The following BAG4 variants were observed in gnomAD, a reference collection of about 807,000 sequenced individuals.
BAG4 encodes BAG cochaperone 4.
In BAG4, 28 loss-of-function variants were observed where a neutral mutation model predicts 52.1. The ratio of observed to expected loss-of-function variants is 0.54; its 90% CI spans 0.40 to 0.74. The LOEUF (loss-of-function observed/expected upper bound fraction) is 0.74. Among genes scored for constraint, BAG4 ranks in the 30% least tolerant of loss-of-function variants. The pLI, the probability that BAG4 is intolerant of heterozygous loss-of-function variation, is 0.00. For synonymous variants in BAG4, 208 were observed against 217.0 expected, an observed-to-expected ratio of 0.96 and a Z score of 0.37; for missense variants, 525 against 572.0, an observed-to-expected ratio of 0.92 and a Z score of 0.84.
Position 38,194,524 on chromosome 8 carries a change from C to T in BAG4, c.378+1729C>T, listed in dbSNP as rs192062178. On this transcript the variant is annotated intron_variant, in intron 2 of 4. Coordinates refer to ENST00000287322, the MANE Select transcript of BAG4 (RefSeq NM_004874.4). ...CTCCGCCTCTCAGGTTCAAATGATT[C>T]TCCGCCTCAGCCTCCCGAGTAGCTG... 2.7e-5 allele frequency among the ~76,000 whole-genome samples: 4 copies of T among 145,684 alleles called. No individual in the cohort carries two copies. The Admixed American group carries it at 2.9e-4, about 10-fold the overall frequency.
chr8:38,210,478 A>T lies in BAG4; in HGVS notation c.1359A>T (p.Glu453Asp). The change falls in exon 5 of 5, where the codon GAA becomes GAT. Residue 453 changes from glutamate (E) to aspartate (D), a missense_variant. Physicochemically the swap from Glu to Asp is conservative, Grantham distance 45. This residue lies in a region of BAG4 where 238 missense variants were observed against 305.8 expected (regional missense o/e 0.78). Coordinates refer to ENST00000287322, the MANE Select transcript of BAG4 (RefSeq NM_004874.4). Reference sequence around the variant, plus strand: ...TTCAGGCCATACTGGAAAAATTAGAAAAAAAAGGATTATGAAAGGATTTAG... The same window carrying T: ...TTCAGGCCATACTGGAAAAATTAGATAAAAAAGGATTATGAAAGGATTTAG... The part of the protein sequence containing the change: ...CKIQAILEKL[E>D]KKGL The T allele has an allele frequency of 6.4e-7, 1 of 1,572,952 alleles. No individual in the cohort carries two copies. Among genetic ancestry groups the T allele is most frequent in the Non-Finnish European group, 8.6e-7 (1 of 1,167,248 alleles).
At position 38,209,329 on chromosome 8, in the gene BAG4, A is replaced by G. The variant is rs778075384; in HGVS notation, c.888+62A>G. 2.5e-6 allele frequency: 4 copies of G among 1,601,404 alleles called. No individual in the cohort carries two copies. The Admixed American group carries it at 5.1e-5, about 20-fold the overall frequency. Reference sequence around the variant, plus strand: ...TAATTAGGAGAACATAACATGGTTTATATAGTTTCTGTACTGGTTTGTGTT... The same window carrying G: ...TAATTAGGAGAACATAACATGGTTTGTATAGTTTCTGTACTGGTTTGTGTT... On this transcript the variant is annotated intron_variant, in intron 4 of 4. Coordinates refer to ENST00000287322, the MANE Select transcript of BAG4 (RefSeq NM_004874.4).
chr8:38,208,285 T>A (rs1012694162), intron 3 of BAG4, among the ~76,000 whole-genome samples: 11 of 149,050 alleles, frequency 7.4e-5, no homozygotes, highest in Admixed American at 6.1e-4. Context: ...AATCTTAGCC[T>A]TTTTTAGCAC....
At chr8:38,204,554 GGCTGA>G (rs1361338828) in intron 2 of BAG4, among the ~76,000 whole-genome samples, 1 of 151,962 alleles carries the variant, frequency 6.6e-6, no homozygotes, top group African/African-American at 2.4e-5. Context: ...CACTTTGGGA[GGCTGA>G]GGTGCCAGGA....
chr8:38,186,459 C>G (rs191226582), intron 1 of BAG4, among the ~76,000 whole-genome samples: 2 of 152,198 alleles, frequency 1.3e-5, no homozygotes, highest in Admixed American at 1.3e-4. Flanking sequence ...TGGAGAAGCT[C>G]AGGAGTGTGG....
At chr8:38,208,307 C>CTTTT (rs769667054) in intron 3 of BAG4, among the ~76,000 whole-genome samples, 15 of 107,418 alleles carry the variant, frequency 1.4e-4, no homozygotes, top group East Asian at 2.7e-4. Context: ...CTGTTAGGTT[C>CTTTT]TTTTTTTTTT....
At chr8:38,207,467 C>T (rs372892338) in intron 2 of BAG4, 45 bp from the exon 3 acceptor site, 23 of 1,586,006 alleles carry the variant, frequency 1.5e-5, no homozygotes, top group Non-Finnish European at 1.9e-5. Flanking sequence ...CATTTCAGCT[C>T]TTCTACTAAT....
intron 2 of BAG4, among the ~76,000 whole-genome samples, chr8:38,193,799 C>T (rs561178417): frequency 5.4e-4 from 80 of 149,014 alleles, no homozygotes; most frequent in African/African-American, 1.9e-3. Context: ...AGTGCAGTGG[C>T]ATGATCTTGG....
intron 1 of BAG4, among the ~76,000 whole-genome samples, chr8:38,181,002 C>T (rs2130660064): frequency 6.6e-6 from 1 of 150,670 alleles, no homozygotes; most frequent in South Asian, 2.1e-4. Flanking sequence ...GTGCGGTGGC[C>T]TGATCTCGGC....
intron 2 of BAG4, among the ~76,000 whole-genome samples, chr8:38,193,685 C>A (rs1228052140): frequency 6.6e-6 from 1 of 151,650 alleles, no homozygotes; most frequent in African/African-American, 2.4e-5. Flanking sequence ...CCTGCCTCAG[C>A]CTCCTGAGTA....
rs1585666460 is a variant in BAG4 at position 38,206,085 on chromosome 8, C to T, written c.379-1427C>T. ...GCGGGTGGATATGAGGTCAGGAGTT[C>T]GAGACCAGCCTGGCCAAGATGGTGA... On this transcript the variant is annotated intron_variant, in intron 2 of 4. Transcript: ENST00000287322. 2.7e-5 allele frequency among the ~76,000 whole-genome samples: 4 copies of T among 149,380 alleles called. No homozygotes were observed. In the South Asian group the frequency reaches 8.5e-4, roughly 32 times the overall value.
At chr8:38,205,429 TAGGAC>T (rs1803755104) in intron 2 of BAG4, among the ~76,000 whole-genome samples, 1 of 152,130 alleles carries the variant, frequency 6.6e-6, no homozygotes, top group Admixed American at 6.6e-5. Flanking sequence ...TCCATTGTTA[TAGGAC>T]ATTTAGGTAG....
rs1451749439 is a variant in BAG4, at chr8:38,212,162, C to A, written c.*1669C>A. On this transcript the variant is annotated 3_prime_UTR_variant, in exon 5 of 5. Coordinates refer to ENST00000287322, the MANE Select transcript of BAG4 (RefSeq NM_004874.4). ...ATAGGAATGTTTAAAAAAGGCTTTT[C>A]TATGAAAATTAGAAATTTATACTTG... The A allele has an allele frequency of 6.6e-6, 1 of 152,016 alleles. No homozygotes were observed. The highest frequency in any genetic ancestry group is 2.4e-5 in the African/African-American group (1 of 41,410). 9.4% of individuals were successfully genotyped at this position (152,016 alleles called of 1,614,324 possible). A position where few individuals can be genotyped will look rare whatever the true frequency, so the allele number is the denominator to read the frequency against.
chr8:38,189,494 T>C (rs145535671), intron 1 of BAG4, among the ~76,000 whole-genome samples: 2 of 152,298 alleles, frequency 1.3e-5, no homozygotes, highest in African/African-American at 4.8e-5. Context: ...TAATTGACTT[T>C]TCCTATACTG....
intron 2 of BAG4, among the ~76,000 whole-genome samples, chr8:38,197,012 G>A (rs1202032683): frequency 3.9e-5 from 6 of 152,126 alleles, no homozygotes; most frequent in Admixed American, 3.9e-4. Context: ...AGGAGGCAGA[G>A]GTTACAGTGA....
intron 1 of BAG4, among the ~76,000 whole-genome samples, chr8:38,183,306 C>T (rs908867878): frequency 2.0e-5 from 3 of 152,098 alleles, no homozygotes; most frequent in African/African-American, 7.2e-5. Flanking sequence ...CTCAGCCTCC[C>T]ACAGTTCTGG....
chr8:38,187,307 GTAAC>G (rs1803379394), intron 1 of BAG4, among the ~76,000 whole-genome samples: 1 of 152,132 alleles, frequency 6.6e-6, no homozygotes, highest in Admixed American at 6.6e-5. Context: ...GAAAAGTACA[GTAAC>G]TAAAATGAAA....
Position 38,210,698 on chromosome 8 carries a change from A to G in BAG4, c.*205A>G. On this transcript the variant is annotated 3_prime_UTR_variant, in exon 5 of 5. Coordinates refer to ENST00000287322, the MANE Select transcript of BAG4 (RefSeq NM_004874.4). ...TTTCAGTTTTCAGACGAATGAATGT[A>G]ATAGGAAACTATGGAGTTACCAATA... 1.6e-6 allele frequency: 1 copy of G among 616,654 alleles called. No homozygotes were observed. Among genetic ancestry groups the G allele is most frequent in the South Asian group, 2.9e-5 (1 of 34,382 alleles). The allele number at this position is 616,654 out of a possible 1,614,324, so 38.2% of individuals were successfully genotyped here. A position where few individuals can be genotyped will look rare whatever the true frequency, so the allele number is the denominator to read the frequency against.
At chr8:38,193,028 T>C (rs1803501633) in intron 2 of BAG4, among the ~76,000 whole-genome samples, 1 of 152,208 alleles carries the variant, frequency 6.6e-6, no homozygotes, top group South Asian at 2.1e-4. Context: ...GGAACAAACA[T>C]AAAATATACT....
Sources: allele counts gnomAD v4.1 joint callset (sites outside exome capture counted in the v4.1 genomes callset), GRCh38; gene constraint gnomAD v4.1.1; regional missense constraint gnomAD v4.1.1; transcripts MANE v1.5; gene names NCBI Gene and HGNC (gene_info 2026-07-23, HGNC 2026-07-21).